Variants in ADD1 observed in about 807,000 individuals in gnomAD.
ADD1 encodes the protein alpha-adducin.
A neutral mutation model predicts 80.5 loss-of-function variants in ADD1; 24 were observed. That is an observed-to-expected ratio of 0.30 (90% CI 0.22 to 0.42). ADD1 has a LOEUF of 0.42. Among genes scored for constraint, ADD1 ranks in the 10% least tolerant of loss-of-function variants. The probability of loss-of-function intolerance (pLI) is 1.00; values close to 1 mark genes in which losing one functional copy is unlikely to be tolerated. For synonymous variants in ADD1, 373 were observed against 393.8 expected, an observed-to-expected ratio of 0.95 and a Z score of 0.63; for missense variants, 948 against 1,019.0, an observed-to-expected ratio of 0.93 and a Z score of 0.95.
intron 1 of ADD1, among the ~76,000 whole-genome samples, chr4:2,856,223 T>C (rs1728039529): frequency 6.6e-6 from 1 of 152,156 alleles, no homozygotes; most frequent in Admixed American, 6.5e-5. Context: ...TAATTTTGCT[T>C]GATATAGAAA....
chr4:2,909,472 GCTCCC>G, intron 13 of ADD1, 41 bp downstream of exon 13: 3 of 1,473,476 alleles, frequency 2.0e-6, no homozygotes, highest in Non-Finnish European at 2.8e-6. Flanking sequence ...TATGCGCCTT[GCTCCC>G]CTCCCCTCCC....
chr4:2,852,534 C>T (rs1218680128), intron 1 of ADD1, among the ~76,000 whole-genome samples: 1 of 150,882 alleles, frequency 6.6e-6, no homozygotes, highest in Non-Finnish European at 1.5e-5. Context: ...CGCAGATACT[C>T]CATTTCAGTT....
intron 13 of ADD1, among the ~76,000 whole-genome samples, chr4:2,914,140 ACAGCGCTGTGCTGGGG>A (rs1738571048): frequency 6.6e-6 from 1 of 151,462 alleles, no homozygotes; most frequent in South Asian, 2.1e-4. Flanking sequence ...CACTGTGGGC[ACAGCGCTGTGCTGGGG>A]CAGGTGGCTG....
Position 2,878,398 on chromosome 4 carries a change from G to T in ADD1, c.195+2288G>T, listed in dbSNP as rs763193041. Among the ~76,000 whole-genome samples the T allele has an allele frequency of 9.5e-4, 144 of 152,124 alleles. 2 individuals carry two copies. The highest frequency in any genetic ancestry group is 2.0e-4 in the Admixed American group (3 of 15,260). On this transcript the variant is annotated intron_variant, in intron 2 of 15. Coordinates refer to ENST00000683351, the MANE Select transcript of ADD1 (RefSeq NM_001354761.2). ...GTAGTGTGAATAGGACTTGCTGATG[G>T]ATGGGGTGGAAGAAGTGAAAGGGAA... is the stretch of plus-strand genomic sequence containing the variant.
At chr4:2,864,410 G>A (rs988219856) in intron 1 of ADD1, among the ~76,000 whole-genome samples, 1 of 151,992 alleles carries the variant, frequency 6.6e-6, no homozygotes, top group African/African-American at 2.4e-5. Flanking sequence ...GCGAGACTCC[G>A]CCTCAAAAAA....
intron 1 of ADD1, among the ~76,000 whole-genome samples, chr4:2,871,647 T>C (rs934214524): frequency 2.0e-5 from 3 of 152,104 alleles, no homozygotes; most frequent in Non-Finnish European, 2.9e-5. Context: ...GACAGCACGG[T>C]GTGATGAGTC....
rs540891896 is a variant in ADD1 at position 2,894,686 on chromosome 4, G to A, written c.696G>A (p.Pro232=). The stretch of plus-strand genomic sequence containing the variant: ...ACTCTGCAATTTATGCTGCACGCCC[G>A]GACGTGAAGTGCGTCGTGCACATTC... ...TLHSAIYAAR[P]DVKCVVHIHT... The change falls in exon 6 of 16, where the codon CCG becomes CCA. Residue 232 remains proline, a synonymous_variant. Coordinates refer to ENST00000683351, the MANE Select transcript of ADD1 (RefSeq NM_001354761.2). The A allele has an allele frequency of 2.0e-5, 32 of 1,601,366 alleles. No individual in the cohort carries two copies. The highest frequency in any genetic ancestry group is 1.6e-4 in the East Asian group (7 of 44,704).
chr4:2,864,967 G>A (rs1291097921), intron 1 of ADD1, among the ~76,000 whole-genome samples: 1 of 152,074 alleles, frequency 6.6e-6, no homozygotes, highest in African/African-American at 2.4e-5. Context: ...AAATGTGTGT[G>A]TGTATATCTA....
rs1310909234 is a variant in ADD1 at position 2,847,716 on chromosome 4, GA to G, written c.-21+3693del. 3.3e-5 allele frequency among the ~76,000 whole-genome samples: 5 copies of G among 152,280 alleles called. No individual in the cohort carries two copies. The East Asian group carries it at 7.7e-4, about 23-fold the overall frequency. On this transcript the variant is annotated intron_variant, in intron 1 of 15. Coordinates refer to ENST00000683351, the MANE Select transcript of ADD1 (RefSeq NM_001354761.2). The stretch of plus-strand genomic sequence containing the variant: ...AGCTTGGTTTTATACATTTTAAGGA[GA>G]CATGAGACATCAATCAATATATGCT...
In ADD1 at chr4:2,928,678, C is replaced by G; in HGVS notation, c.*155C>G. Reference sequence around the variant, plus strand: ...GTGACCAGCCCCGTGTAGCCCCGGGCTGACCCAGTGTGTGCTCAGCAGCCC... The same window carrying G: ...GTGACCAGCCCCGTGTAGCCCCGGGGTGACCCAGTGTGTGCTCAGCAGCCC... On this transcript the variant is annotated 3_prime_UTR_variant, in exon 16 of 16. Coordinates refer to ENST00000683351, the MANE Select transcript of ADD1 (RefSeq NM_001354761.2). The G allele has an allele frequency of 2.6e-6, 2 of 762,386 alleles. No homozygotes were observed. The highest frequency in any genetic ancestry group is 3.7e-5 in the South Asian group (2 of 53,606). The allele number at this position is 762,386 out of a possible 1,614,324, so 47.2% of individuals were successfully genotyped here. A position where few individuals can be genotyped will look rare whatever the true frequency, so the allele number is the denominator to read the frequency against.
chr4:2,929,395 C>T lies in ADD1; in HGVS notation c.*872C>T, dbSNP rs1282087762. ...CTTCAGGGGACTGTTCTCACCTTAA[C>T]TCAGCCAGAAAGATGCCCTAGTTGT... On this transcript the variant is annotated 3_prime_UTR_variant, in exon 16 of 16. Coordinates refer to ENST00000683351, the MANE Select transcript of ADD1 (RefSeq NM_001354761.2). 2 of 152,306 alleles carry T rather than the reference C, an allele frequency of 1.3e-5. No homozygotes were observed. Among genetic ancestry groups the T allele is most frequent in the African/African-American group, 4.8e-5 (2 of 41,470 alleles). The allele number at this position is 152,306 out of a possible 1,614,324, so 9.4% of individuals were successfully genotyped here.
intron 1 of ADD1, among the ~76,000 whole-genome samples, chr4:2,858,121 A>C (rs951690765): frequency 1.3e-5 from 2 of 152,118 alleles, no homozygotes; most frequent in African/African-American, 2.4e-5. Context: ...CTAGGAGGGA[A>C]CTCTACTATG....
rs1163576677 is a variant in ADD1, at chr4:2,926,745, GTTTA to G, written c.2047+636_2047+639del. On this transcript the variant is annotated intron_variant, in intron 15 of 15. Transcript: ENST00000683351. The surrounding 1 kb of genome is among the most constrained non-coding windows in gnomAD (Gnocchi z 5.0). Reference sequence around the variant, plus strand: ...TGCCTCATTCTCCTGCTTCTTTGTTGTTTATTAAGTTTTGTTTTCTGTTTATTTA... The same window carrying G: ...TGCCTCATTCTCCTGCTTCTTTGTTGTTAAGTTTTGTTTTCTGTTTATTTA... 3 of 1,496,524 alleles carry G rather than the reference GTTTA, an allele frequency of 2.0e-6. No homozygotes were observed. Among genetic ancestry groups the G allele is most frequent in the Non-Finnish European group, 2.7e-6 (3 of 1,094,282 alleles). The allele number at this position is 1,496,524 out of a possible 1,614,324, so 92.7% of individuals were successfully genotyped here. A position where few individuals can be genotyped will look rare whatever the true frequency, so the allele number is the denominator to read the frequency against.
In ADD1 at chr4:2,894,025, T is replaced by G. The variant is rs763919424; in HGVS notation, c.523T>G (p.Ser175Ala). Residue 175 changes from serine (S) to alanine (A), a missense_variant, in exon 5 of 16, where the codon TCC becomes GCC. Coordinates refer to ENST00000683351, the MANE Select transcript of ADD1 (RefSeq NM_001354761.2). ...ATTTTCCCCACAGACCAGAGTGAAC[T>G]CCGAGCAGGAACACTTCCTCATTGT... ...IYNHITTRVNSEQEHFLIVPF... is the reference protein window; with the variant it reads ...IYNHITTRVNAEQEHFLIVPF... 5 of 1,614,106 alleles carry G rather than the reference T, an allele frequency of 3.1e-6. No individual in the cohort carries two copies. The highest frequency in any genetic ancestry group is 2.2e-5 in the East Asian group (1 of 44,886).
At chr4:2,846,656 G>A (rs988947422) in intron 1 of ADD1, among the ~76,000 whole-genome samples, 2 of 151,940 alleles carry the variant, frequency 1.3e-5, no homozygotes, top group Non-Finnish European at 2.9e-5. Flanking sequence ...ATAATGAATT[G>A]TTTCGCTAAT....
rs368107456 is a variant in ADD1 at position 2,856,736 on chromosome 4, G to A, written c.-21+12712G>A. The stretch of plus-strand genomic sequence containing the variant: ...CCTCCAAGTAGCTGGGACTACAGGC[G>A]TGCACCACCATATCTGGCTAATTTT... On this transcript the variant is annotated intron_variant, in intron 1 of 15. Transcript: ENST00000683351. Among the ~76,000 whole-genome samples the A allele has an allele frequency of 1.6e-4, 24 of 147,320 alleles. No individual in the cohort carries two copies. The East Asian group carries it at 2.3e-3, about 14-fold the overall frequency.
intron 10 of ADD1, among the ~76,000 whole-genome samples, chr4:2,905,987 C>T (rs1167272628): frequency 2.0e-5 from 3 of 152,188 alleles, no homozygotes; most frequent in Non-Finnish European, 4.4e-5. Context: ...GAGACAGGGG[C>T]TGAAGCAGAC....
chr4:2,903,320 C>G (rs1736505146), intron 9 of ADD1, among the ~76,000 whole-genome samples: 1 of 152,174 alleles, frequency 6.6e-6, no homozygotes, highest in Non-Finnish European at 1.5e-5. Flanking sequence ...TTCAGCATCC[C>G]CCGTATTACC....
chr4:2,868,550 C>T (rs1729914835), intron 1 of ADD1, among the ~76,000 whole-genome samples: 1 of 152,190 alleles, frequency 6.6e-6, no homozygotes. Context: ...CTCTTGGAGC[C>T]CTTTGTCCCA....
Sources: gnomAD v4.1 joint callset for allele counts (sites outside exome capture counted in the v4.1 genomes callset) on GRCh38, gnomAD v4.1.1 for gene constraint, Gnocchi (gnomAD v3.1) non-coding constraint, MANE v1.5 for transcripts, NCBI Gene and HGNC (gene_info 2026-07-23, HGNC 2026-07-21) for gene names.